GRIK5: variants seen among roughly 807,000 people sequenced by gnomAD.
GRIK5 encodes glutamate ionotropic receptor kainate type subunit 5, also known as glutamate receptor ionotropic, kainate 5.
GRIK5 carries 43 observed loss-of-function variants against 97.4 expected under a neutral mutation model. The ratio of observed to expected loss-of-function variants is 0.44; its 90% CI spans 0.35 to 0.57. The LOEUF is 0.57. GRIK5 is among the 20% of genes least tolerant of loss of function. The probability of loss-of-function intolerance (pLI) is 0.01; values close to 1 mark genes in which losing one functional copy is unlikely to be tolerated. For synonymous variants in GRIK5, 580 were observed against 583.5 expected, an observed-to-expected ratio of 0.99 and a Z score of 0.09; for missense variants, 1,015 against 1,382.0, an observed-to-expected ratio of 0.73 and a Z score of 4.21.
At chr19:42,056,620 T>A (rs775730991) in intron 8 of GRIK5, 42 bp downstream of exon 8, 1 of 1,583,262 alleles carries the variant, frequency 6.3e-7, no homozygotes, top group African/African-American at 1.3e-5. Flanking sequence ...GAAGTATCTG[T>A]GCAGAGTGTT....
intron 11 of GRIK5, among the ~76,000 whole-genome samples, chr19:42,045,882 C>T (rs925413968): frequency 6.6e-6 from 1 of 152,158 alleles, no homozygotes; most frequent in African/African-American, 2.4e-5. Context: ...ACAAGTTGGT[C>T]TGATTCCAAA....
At chr19:42,033,374 T>C (rs2146083591) in intron 12 of GRIK5, among the ~76,000 whole-genome samples, 1 of 149,466 alleles carries the variant, frequency 6.7e-6, no homozygotes, top group South Asian at 2.1e-4. Flanking sequence ...ATGATGTGGA[T>C]GAACTTTGAA....
chr19:42,022,449 G>T lies in GRIK5; in HGVS notation c.1474-95C>A. ...AAATGCACGGAGAGTGAGCAACTGA[G>T]GGAGGCGAGAGAGAGAGAGGTAGGG... On this transcript the variant is annotated intron_variant, in intron 12 of 19. Coordinates refer to ENST00000593562, the MANE Select transcript of GRIK5 (RefSeq NM_002088.5). This position sits in a 1 kb window ranked among gnomAD's most constrained non-coding sequence, Gnocchi z 4.2. 1 of 1,492,282 alleles carries T rather than the reference G, an allele frequency of 6.7e-7. No homozygotes were observed. 92.4% of individuals were successfully genotyped at this position (1,492,282 alleles called of 1,614,324 possible).
At position 42,010,480 on chromosome 19, in the gene GRIK5, T is replaced by C. The variant is rs141415860; in HGVS notation, c.1872-3670A>G. On this transcript the variant is annotated intron_variant, in intron 15 of 19. Transcript: ENST00000593562. ...TCAAAGATAACAGTGCCAGTCGACTTCTTGTCAGAGAGTGTGCAAGCCCAA... is the reference window on the plus strand; with the variant it reads ...TCAAAGATAACAGTGCCAGTCGACTCCTTGTCAGAGAGTGTGCAAGCCCAA... Among the ~76,000 whole-genome samples the C allele has an allele frequency of 5.9e-5, 9 of 152,340 alleles. 1 individual carries two copies. The East Asian group carries it at 1.7e-3, about 29-fold the overall frequency.
In GRIK5 at chr19:42,065,160, AG is replaced by A; in HGVS notation, c.244+62del. ...AGGCCAGGCCAGAGGCCAGGGGCAGAGGGATGGACTGAGGGCCACCGACCTG... is the reference window on the plus strand; with the variant it reads ...AGGCCAGGCCAGAGGCCAGGGGCAGAGGATGGACTGAGGGCCACCGACCTG... On this transcript the variant is annotated intron_variant, in intron 3 of 19. Coordinates refer to ENST00000593562, the MANE Select transcript of GRIK5 (RefSeq NM_002088.5). This position sits in a 1 kb window ranked among gnomAD's most constrained non-coding sequence, Gnocchi z 5.8. 2 of 1,426,890 alleles carry A rather than the reference AG, an allele frequency of 1.4e-6. No homozygotes were observed. The highest frequency in any genetic ancestry group is 2.5e-5 in the South Asian group (2 of 80,310). The allele number at this position is 1,426,890 out of a possible 1,614,324, so 88.4% of individuals were successfully genotyped here.
In GRIK5 at chr19:42,042,350, T is replaced by G. The variant is rs1404060465; in HGVS notation, c.1473+202A>C. On this transcript the variant is annotated intron_variant, in intron 12 of 19. Transcript: ENST00000593562. The surrounding 1 kb of genome is among the most constrained non-coding windows in gnomAD (Gnocchi z 6.9). Reference sequence around the variant, plus strand: ...CAGGTGGTGATGCATGTACCACCTCTCCTCCTCTGTCCCATCCCACAGCAC... The same window carrying G: ...CAGGTGGTGATGCATGTACCACCTCGCCTCCTCTGTCCCATCCCACAGCAC... Among the ~76,000 whole-genome samples, 1 of 152,164 alleles carries G rather than the reference T, an allele frequency of 6.6e-6. No homozygotes were observed. Among genetic ancestry groups the G allele is most frequent in the Non-Finnish European group, 1.5e-5 (1 of 68,040 alleles).
chr19:42,066,802 A>C (rs1351432204), intron 1 of GRIK5, among the ~76,000 whole-genome samples: 1 of 151,930 alleles, frequency 6.6e-6, no homozygotes, highest in African/African-American at 2.4e-5. Flanking sequence ...GAGACACAGG[A>C]AGAGGGAGAC....
Position 41,999,318 on chromosome 19 carries a change from G to A in GRIK5, c.2515-19C>T, listed in dbSNP as rs773912392. 6.0e-4 allele frequency: 896 copies of A among 1,503,334 alleles called. 1 individual carries two copies. The highest frequency in any genetic ancestry group is 7.3e-4 in the Non-Finnish European group (830 of 1,132,850). The allele number at this position is 1,503,334 out of a possible 1,614,324, so 93.1% of individuals were successfully genotyped here. A position where few individuals can be genotyped will look rare whatever the true frequency, so the allele number is the denominator to read the frequency against. ...CCGACACCTGGGGGTGGCGCGGGCG[G>A]TCACCGTCCCGGCGCAGTCCGCCTC... On this transcript the variant is annotated intron_variant, in intron 19 of 19. Coordinates refer to ENST00000593562, the MANE Select transcript of GRIK5 (RefSeq NM_002088.5). The surrounding 1 kb of genome is among the most constrained non-coding windows in gnomAD (Gnocchi z 5.0).
chr19:42,061,552 T>C (rs1179068860), intron 5 of GRIK5, among the ~76,000 whole-genome samples: 2 of 152,160 alleles, frequency 1.3e-5, no homozygotes, highest in Admixed American at 1.3e-4. Flanking sequence ...TCAAGCTCCA[T>C]ACCCACAAAT....
rs199762676 is a variant in GRIK5, at chr19:42,054,446, G to A, written c.930C>T (p.Ala310=). The A allele has an allele frequency of 9.3e-6, 15 of 1,613,324 alleles. No individual in the cohort carries two copies. The highest frequency in any genetic ancestry group is 4.5e-5 in the East Asian group (2 of 44,888). ...PALSAALMFD[A]VHVVVSAVRE... ...GGACAGCGCTCACCACCACGTGCAC[G>A]GCGTCAAACATCAGGGCGGCTGACA... The change falls in exon 9 of 20, where the codon GCC becomes GCT. Residue 310 remains alanine, a synonymous_variant. Coordinates refer to ENST00000593562, the MANE Select transcript of GRIK5 (RefSeq NM_002088.5).
intron 12 of GRIK5, among the ~76,000 whole-genome samples, chr19:42,023,788 C>G (rs559408801): frequency 2.6e-5 from 4 of 152,362 alleles, no homozygotes; most frequent in Admixed American, 2.0e-4. Flanking sequence ...CCACTGGTAT[C>G]TCACTCCTGA....
rs114774924 is a variant in GRIK5, at chr19:42,003,798, G to A, written c.2264-115C>T. The A allele has an allele frequency of 8.5e-7, 1 of 1,173,616 alleles. No individual in the cohort carries two copies. Among genetic ancestry groups the A allele is most frequent in the Non-Finnish European group, 1.2e-6 (1 of 858,128 alleles). The allele number at this position is 1,173,616 out of a possible 1,614,324, so 72.7% of individuals were successfully genotyped here. A position where few individuals can be genotyped will look rare whatever the true frequency, so the allele number is the denominator to read the frequency against. ...CCCCCGCCTCTACCACGTGCCCAGG[G>A]TCTTCCCTGCAGCCTCTCCTCACCC... On this transcript the variant is annotated intron_variant, in intron 17 of 19. Coordinates refer to ENST00000593562, the MANE Select transcript of GRIK5 (RefSeq NM_002088.5). This position sits in a 1 kb window ranked among gnomAD's most constrained non-coding sequence, Gnocchi z 4.2.
intron 12 of GRIK5, among the ~76,000 whole-genome samples, chr19:42,039,509 C>T (rs1007341044): frequency 2.0e-5 from 3 of 152,058 alleles, no homozygotes; most frequent in Non-Finnish European, 2.9e-5. Flanking sequence ...TCTTCAAGGG[C>T]ATCCCATGGG....
At chr19:42,051,348 C>T (rs2076114492) in intron 11 of GRIK5, among the ~76,000 whole-genome samples, 1 of 152,154 alleles carries the variant, frequency 6.6e-6, no homozygotes, top group Non-Finnish European at 1.5e-5. Flanking sequence ...CGCCAGCCTG[C>T]ACCCCATCAC....
intron 15 of GRIK5, among the ~76,000 whole-genome samples, chr19:42,009,767 CAAAA>C (rs1171061442): frequency 4.3e-3 from 269 of 63,206 alleles, no homozygotes; most frequent in African/African-American, 0.015. Flanking sequence ...GACTTTGTCT[CAAAA>C]AAAAAAAAAA....
chr19:42,054,551 A>G (rs1216326078), intron 8 of GRIK5, 79 bp from the exon 9 acceptor site: 21 of 1,471,808 alleles, frequency 1.4e-5, no homozygotes, highest in Non-Finnish European at 1.6e-5. Flanking sequence ...CTGAGCTGCC[A>G]CCCTCAAACC....
intron 15 of GRIK5, among the ~76,000 whole-genome samples, chr19:42,016,446 C>T (rs563464229): frequency 1.3e-5 from 2 of 152,182 alleles, no homozygotes; most frequent in South Asian, 4.1e-4. Flanking sequence ...AAAAACAAAA[C>T]AACAACAACA....
rs992168145 is a variant in GRIK5 at position 42,045,596 on chromosome 19, C to G, written c.1270-2841G>C. 2.6e-5 allele frequency among the ~76,000 whole-genome samples: 4 copies of G among 152,192 alleles called. No individual in the cohort carries two copies. In the East Asian group the frequency reaches 5.8e-4, roughly 22 times the overall value. ...CTACTATGTGGCCAGGTCATAGGCTCTGGACTCCAGGACCCCACAGAGCCC... is the reference window on the plus strand; with the variant it reads ...CTACTATGTGGCCAGGTCATAGGCTGTGGACTCCAGGACCCCACAGAGCCC... On this transcript the variant is annotated intron_variant, in intron 11 of 19. Coordinates refer to ENST00000593562, the MANE Select transcript of GRIK5 (RefSeq NM_002088.5).
chr19:42,013,310 C>T (rs1218006859), intron 15 of GRIK5, among the ~76,000 whole-genome samples: 1 of 151,658 alleles, frequency 6.6e-6, no homozygotes, highest in Admixed American at 6.6e-5. Flanking sequence ...TATAAACACA[C>T]AGCACTCCAG....
Sources: allele counts gnomAD v4.1 joint callset (sites outside exome capture counted in the v4.1 genomes callset), GRCh38; gene constraint gnomAD v4.1.1; non-coding constraint Gnocchi (gnomAD v3.1); transcripts MANE v1.5; gene names NCBI Gene and HGNC (gene_info 2026-07-23, HGNC 2026-07-21).